The following COL23A1 variants were observed in gnomAD, a reference collection of about 807,000 sequenced individuals.
COL23A1 encodes collagen alpha-1(XXIII) chain.
In COL23A1, 97 loss-of-function variants were observed where a neutral mutation model predicts 99.3. That is an observed-to-expected ratio of 0.98 (90% CI 0.83 to 1.16). The LOEUF is 1.16. Ranked by LOEUF, COL23A1 falls within the 50% of genes most tolerant of loss-of-function variation. The probability of loss-of-function intolerance (pLI) is 0.00; values close to 1 mark genes in which losing one functional copy is unlikely to be tolerated. For missense variants in COL23A1, 762 were observed against 757.4 expected, an observed-to-expected ratio of 1.01 and a Z score of -0.07; for synonymous variants, 320 against 308.2, an observed-to-expected ratio of 1.04 and a Z score of -0.40.
chr5:178,341,452 G>A (rs191879274), intron 2 of COL23A1, among the ~76,000 whole-genome samples: 57 of 152,274 alleles, frequency 3.7e-4, no homozygotes, highest in African/African-American at 1.3e-3. Flanking sequence ...GAGCACAGGA[G>A]GAAGGGCCTG....
intron 3 of COL23A1, among the ~76,000 whole-genome samples, chr5:178,303,163 C>A (rs560202647): frequency 2.6e-5 from 4 of 152,276 alleles, no homozygotes; most frequent in South Asian, 4.1e-4. Flanking sequence ...CCATGCCTGG[C>A]TAATTTTTGT....
At chr5:178,580,902 G>T (rs911005662) in intron 1 of COL23A1, among the ~76,000 whole-genome samples, 1 of 152,082 alleles carries the variant, frequency 6.6e-6, no homozygotes, top group African/African-American at 2.4e-5. Context: ...CCAGATACTC[G>T]GGAGGCTGAG....
intron 1 of COL23A1, among the ~76,000 whole-genome samples, chr5:178,573,336 G>A (rs1392989347): frequency 6.6e-6 from 1 of 152,228 alleles, no homozygotes; most frequent in Non-Finnish European, 1.5e-5. Context: ...CCTGGGTTCG[G>A]TGACAGGTAA....
intron 2 of COL23A1, chr5:178,344,825 C>T: frequency 1.5e-6 from 1 of 670,544 alleles, no homozygotes; most frequent in South Asian, 1.4e-5. Context: ...TAGCTCAGGC[C>T]CATGGATCTC....
At chr5:178,246,559 ATCGAGGC>A in intron 22 of COL23A1, 106 bp from the exon 23 acceptor site, 1 of 1,173,646 alleles carries the variant, frequency 8.5e-7, no homozygotes, top group Middle Eastern at 2.8e-4. Flanking sequence ...AGAGGAACAG[ATCGAGGC>A]TCCCCCAGGC....
In COL23A1 at chr5:178,560,757, G is replaced by GAA. The variant is rs749267629; in HGVS notation, c.295-11_295-10dup. On this transcript the variant is annotated splice_polypyrimidine_tract_variant and intron_variant, in intron 1 of 28. Transcript: ENST00000390654. ...GCTAGTCCGTCCAACTTCTGAGCCGGAAAAAAAAAAAGAAAAAAAACGAGG... is the reference window on the plus strand; with the variant it reads ...GCTAGTCCGTCCAACTTCTGAGCCGGAAAAAAAAAAAAAGAAAAAAAACGAGG... 81 of 1,193,600 alleles carry GAA rather than the reference G, an allele frequency of 6.8e-5. No homozygotes were observed. Among genetic ancestry groups the GAA allele is most frequent in the Admixed American group, 2.8e-4 (12 of 43,538 alleles). The allele number at this position is 1,193,600 out of a possible 1,614,324, so 73.9% of individuals were successfully genotyped here.
chr5:178,586,275 TATC>T (rs1764001003), intron 1 of COL23A1, among the ~76,000 whole-genome samples: 1 of 152,228 alleles, frequency 6.6e-6, no homozygotes, highest in Non-Finnish European at 1.5e-5. Context: ...TCCTGTCTGT[TATC>T]ATATTTGCAT....
At chr5:178,272,280 G>A (rs1305691654) in intron 5 of COL23A1, among the ~76,000 whole-genome samples, 2 of 152,224 alleles carry the variant, frequency 1.3e-5, no homozygotes, top group Non-Finnish European at 2.9e-5. Context: ...GAGGTAAGCT[G>A]CTGGCTTCCC....
intron 2 of COL23A1, among the ~76,000 whole-genome samples, chr5:178,405,056 G>A (rs1379193079): frequency 2.0e-5 from 3 of 152,174 alleles, no homozygotes; most frequent in African/African-American, 7.2e-5. Context: ...CTCAGGCTTG[G>A]CCAGGTGACC....
At chr5:178,332,901 C>A (rs141897264) in intron 2 of COL23A1, among the ~76,000 whole-genome samples, 39 of 151,596 alleles carry the variant, frequency 2.6e-4, no homozygotes, top group Admixed American at 4.0e-4. Flanking sequence ...AGCCAGACAT[C>A]GGGATTTTGA....
chr5:178,573,003 A>G (rs262061), intron 1 of COL23A1, among the ~76,000 whole-genome samples: 22,722 of 152,122 alleles, frequency 0.15, 3,320 homozygotes, highest in African/African-American at 0.37. Context: ...AAATGAACAG[A>G]AATCAATAGT....
At chr5:178,364,484 T>C (rs1388868772) in intron 2 of COL23A1, among the ~76,000 whole-genome samples, 1 of 119,844 alleles carries the variant, frequency 8.3e-6, no homozygotes, top group Non-Finnish European at 1.8e-5. Flanking sequence ...GTACTCAGCC[T>C]TGGTCCCCTG....
At chr5:178,453,285 T>C (rs1380136602) in intron 2 of COL23A1, among the ~76,000 whole-genome samples, 1 of 152,242 alleles carries the variant, frequency 6.6e-6, no homozygotes, top group Non-Finnish European at 1.5e-5. Context: ...ACAGGACATC[T>C]GGAAACCAGC....
chr5:178,430,480 G>A (rs1766200017), intron 2 of COL23A1, among the ~76,000 whole-genome samples: 1 of 152,214 alleles, frequency 6.6e-6, no homozygotes. Flanking sequence ...CTGTGCTCGT[G>A]AGAGGCGAGC....
At chr5:178,478,920 T>C (rs1317334216) in intron 2 of COL23A1, among the ~76,000 whole-genome samples, 2 of 152,102 alleles carry the variant, frequency 1.3e-5, no homozygotes, top group Non-Finnish European at 2.9e-5. Context: ...AATTTCTGGA[T>C]TCGGGTGCCA....
intron 1 of COL23A1, among the ~76,000 whole-genome samples, chr5:178,583,366 T>C (rs1277684159): frequency 6.6e-6 from 1 of 152,238 alleles, no homozygotes; most frequent in African/African-American, 2.4e-5. Flanking sequence ...GGTCACCTAC[T>C]GGTTTTGCCG....
chr5:178,322,433 A>C (rs1341088593), intron 2 of COL23A1, among the ~76,000 whole-genome samples: 1 of 152,176 alleles, frequency 6.6e-6, no homozygotes, highest in Non-Finnish European at 1.5e-5. Context: ...GTGGCCTCAA[A>C]AGATCATTTT....
chr5:178,257,861 G>A (rs767675299), intron 12 of COL23A1, among the ~76,000 whole-genome samples: 3 of 152,248 alleles, frequency 2.0e-5, no homozygotes, highest in Admixed American at 6.5e-5. Flanking sequence ...GGCAGCTGAG[G>A]TCCCTGCTCA....
intron 3 of COL23A1, among the ~76,000 whole-genome samples, chr5:178,295,431 G>T (rs966718544): frequency 2.6e-5 from 4 of 152,162 alleles, no homozygotes; most frequent in Admixed American, 6.5e-5. Context: ...TAAAAGAAAT[G>T]AAGGTTAAAA....
Sources: gnomAD v4.1 joint callset for allele counts (sites outside exome capture counted in the v4.1 genomes callset) on GRCh38, gnomAD v4.1.1 for gene constraint, MANE v1.5 for transcripts, NCBI Gene and HGNC (gene_info 2026-07-23, HGNC 2026-07-21) for gene names.